Variants in NAALADL2 observed in about 807,000 individuals in gnomAD.
NAALADL2 encodes N-acetylated alpha-linked acidic dipeptidase like 2.
Under a neutral mutation model 87.2 loss-of-function variants are expected in NAALADL2, and 76 were observed. That is an observed-to-expected ratio of 0.87 (90% CI 0.72 to 1.05). The LOEUF is 1.05. NAALADL2 is among the 50% of genes least tolerant of loss of function. The pLI, the probability that NAALADL2 is intolerant of heterozygous loss-of-function variation, is 0.00. For missense variants in NAALADL2, 1,089 were observed against 945.8 expected (o/e 1.15, Z -1.99); for synonymous variants, 354 against 331.0 (o/e 1.07, Z -0.75).
intron 2 of NAALADL2, among the ~76,000 whole-genome samples, chr3:175,147,623 C>T (rs1015102426): frequency 3.9e-5 from 6 of 152,002 alleles, no homozygotes; most frequent in Admixed American, 6.6e-5. Flanking sequence ...TGGGATTACT[C>T]GGTTGAATGA....
At chr3:175,720,182 G>A (rs922811008) in intron 11 of NAALADL2, among the ~76,000 whole-genome samples, 1 of 152,042 alleles carries the variant, frequency 6.6e-6, no homozygotes, top group African/African-American at 2.4e-5. Flanking sequence ...ACTGTGATAA[G>A]TATACACAAC....
At chr3:175,247,769 T>C (rs1412193180) in intron 3 of NAALADL2, among the ~76,000 whole-genome samples, 1 of 152,132 alleles carries the variant, frequency 6.6e-6, no homozygotes, top group African/African-American at 2.4e-5. Context: ...ACTGCACAGG[T>C]CACAAACCTC....
intron 1 of NAALADL2, among the ~76,000 whole-genome samples, chr3:175,086,639 C>A (rs1169175310): frequency 1.3e-5 from 2 of 152,030 alleles, no homozygotes; most frequent in Non-Finnish European, 2.9e-5. Context: ...CATTTAGTTT[C>A]ATATCAGCAT....
At chr3:175,320,601 T>G (rs1026267135) in intron 4 of NAALADL2, among the ~76,000 whole-genome samples, 1 of 152,178 alleles carries the variant, frequency 6.6e-6, no homozygotes, top group Non-Finnish European at 1.5e-5. Context: ...ATGACTGGTG[T>G]GACAGGCTCA....
intron 6 of NAALADL2, among the ~76,000 whole-genome samples, chr3:175,461,604 C>T (rs916724123): frequency 6.6e-6 from 1 of 152,188 alleles, no homozygotes; most frequent in African/African-American, 2.4e-5. Context: ...ATTTTAATCA[C>T]TATATTAATG....
intron 2 of NAALADL2, among the ~76,000 whole-genome samples, chr3:175,138,827 T>C (rs1315395161): frequency 1.4e-5 from 2 of 145,026 alleles, no homozygotes; most frequent in African/African-American, 5.1e-5. Context: ...CTTTTAGATC[T>C]GTGGTACATG....
chr3:175,162,166 T>C (rs1733323775), intron 2 of NAALADL2, among the ~76,000 whole-genome samples: 1 of 152,156 alleles, frequency 6.6e-6, no homozygotes, highest in Admixed American at 6.6e-5. Context: ...TAAAAGGCTA[T>C]TAAATTTCTC....
chr3:174,654,516 G>T (rs1724708137), intron 2 of NAALADL2, among the ~76,000 whole-genome samples: 1 of 151,716 alleles, frequency 6.6e-6, no homozygotes, highest in African/African-American at 2.4e-5. Context: ...ATGAGATCTG[G>T]CAAAAAAAAT....
intron 2 of NAALADL2, among the ~76,000 whole-genome samples, chr3:174,587,041 T>C (rs1275143377): frequency 1.4e-5 from 2 of 143,794 alleles, no homozygotes; most frequent in Admixed American, 7.0e-5. Context: ...TGTCCAAGTG[T>C]TCTCATTGTT....
At chr3:174,714,063 T>G (rs1054163402) in intron 2 of NAALADL2, among the ~76,000 whole-genome samples, 4 of 152,222 alleles carry the variant, frequency 2.6e-5, no homozygotes, top group African/African-American at 7.2e-5. Flanking sequence ...AGGGAATCCT[T>G]TCCCCATTTC....
chr3:174,483,709 G>A (rs928314559), intron 1 of NAALADL2, among the ~76,000 whole-genome samples: 6 of 151,862 alleles, frequency 4.0e-5, no homozygotes, highest in East Asian at 1.9e-4. Flanking sequence ...ATCTTAACTC[G>A]AATACTTAAG....
intron 13 of NAALADL2, among the ~76,000 whole-genome samples, chr3:175,768,979 A>G (rs556312947): frequency 6.6e-6 from 1 of 152,354 alleles, no homozygotes; most frequent in Non-Finnish European, 1.5e-5. Flanking sequence ...TTTATCTTAC[A>G]CATACAAAAA....
rs1451981350 is a variant in NAALADL2, at chr3:175,491,039, T to G, written c.1653+19281T>G. On this transcript the variant is annotated intron_variant, in intron 9 of 13. Transcript: ENST00000454872. ...GGATAGAGACTTTTTTTAAAACATT[T>G]AAATTCCTTTCCAGCAGCAGCATTC... is the stretch of plus-strand genomic sequence containing the variant. Among the ~76,000 whole-genome samples the G allele has an allele frequency of 2.0e-5, 3 of 151,844 alleles. No individual in the cohort carries two copies. The East Asian group carries it at 5.8e-4, about 29-fold the overall frequency.
At chr3:174,765,137 CACACACGA>C (rs1373014100) in intron 3 of NAALADL2, among the ~76,000 whole-genome samples, 11 of 128,202 alleles carry the variant, frequency 8.6e-5, no homozygotes, top group South Asian at 2.6e-4. Context: ...CACACACACA[CACACACGA>C]GAGAGAGAGA....
chr3:175,522,270 A>G (rs1331413984), intron 9 of NAALADL2, among the ~76,000 whole-genome samples: 1 of 152,166 alleles, frequency 6.6e-6, no homozygotes, highest in Non-Finnish European at 1.5e-5. Flanking sequence ...AGTTGTTTTA[A>G]TATTGGCTGG....
intron 5 of NAALADL2, among the ~76,000 whole-genome samples, chr3:175,372,095 A>AT (rs763496947): frequency 2.1e-4 from 32 of 152,304 alleles, no homozygotes; most frequent in Non-Finnish European, 3.4e-4. Flanking sequence ...AGGAGTTCAC[A>AT]AAATTTTTTT....
chr3:174,905,216 C>T (rs1252173149), intron 1 of NAALADL2, among the ~76,000 whole-genome samples: 2 of 150,130 alleles, frequency 1.3e-5, no homozygotes, highest in African/African-American at 4.8e-5. Context: ...CTGACAAGAT[C>T]GAAACCTATT....
At position 174,591,681 on chromosome 3, in the gene NAALADL2, A is replaced by G. The variant is rs142324289; in HGVS notation, c.-115+41044A>G. ...CTAAAGACTTGCCATAATAAAATAC[A>G]TGTTGTGCCTTTTCTCTCTTAGAGA... On this transcript the variant is annotated intron_variant, in intron 2 of 3. Transcript: ENST00000434257. Among the ~76,000 whole-genome samples, 24 of 152,270 alleles carry G rather than the reference A, an allele frequency of 1.6e-4. No homozygotes were observed. The East Asian group carries it at 4.6e-3, about 29-fold the overall frequency.
Position 174,738,429 on chromosome 3 carries a change from G to A in NAALADL2, c.-9+683G>A, listed in dbSNP as rs137972553. On this transcript the variant is annotated intron_variant, in intron 3 of 3. Transcript: ENST00000434257. ...CATCTCTTGCTTTCAAATGTAAGGA[G>A]TTAGATTAAATAAGGGAAAGGTGGC... Among the ~76,000 whole-genome samples the A allele has an allele frequency of 5.9e-3, 901 of 152,290 alleles. 11 individuals carry two copies. The highest frequency in any genetic ancestry group is 0.021 in the African/African-American group (867 of 41,566).
Sources: gnomAD v4.1 joint callset for allele counts (sites outside exome capture counted in the v4.1 genomes callset) on GRCh38, gnomAD v4.1.1 for gene constraint, MANE v1.5 for transcripts, NCBI Gene and HGNC (gene_info 2026-07-23, HGNC 2026-07-21) for gene names.